Variants in TENM3 observed in about 807,000 individuals in gnomAD.
TENM3 encodes teneurin-3.
Under a neutral mutation model 255.1 loss-of-function variants are expected in TENM3, and 63 were observed. The observed-to-expected ratio is 0.25, with a 90% CI of 0.20 to 0.30. The LOEUF is 0.30. Ranked by LOEUF, TENM3 falls within the 10% of genes least tolerant of loss-of-function variation. The pLI is 1.00. For missense variants in TENM3, 2,929 were observed against 3,461.1 expected (o/e 0.85, Z 3.86); for synonymous variants, 1,306 against 1,322.3 (o/e 0.99, Z 0.27).
the TENM3 span, among the ~76,000 whole-genome samples, chr4:181,732,794 T>G: frequency 1.3e-5 from 2 of 151,976 alleles, no homozygotes; most frequent in Non-Finnish European, 2.9e-5. Flanking sequence ...GGGGGATGAG[T>G]GGAGTGATTA....
the TENM3 span, among the ~76,000 whole-genome samples, chr4:181,827,363 C>T: frequency 6.6e-6 from 1 of 152,166 alleles, no homozygotes; most frequent in African/African-American, 2.4e-5. Context: ...ATGTAGAGTT[C>T]AGGTTCACCT....
chr4:182,298,739 G>A (rs982539979), intron 1 of TENM3, among the ~76,000 whole-genome samples: 7 of 151,966 alleles, frequency 4.6e-5, no homozygotes, highest in East Asian at 1.9e-4. Flanking sequence ...TTGAGAAGCC[G>A]AGGCAGGTGG....
At chr4:182,564,029 A>G (rs191975497) in intron 3 of TENM3, among the ~76,000 whole-genome samples, 14 of 152,292 alleles carry the variant, frequency 9.2e-5, no homozygotes, top group Admixed American at 8.5e-4. Flanking sequence ...TTTTACTAAA[A>G]CATTGCTTGG....
the TENM3 span, among the ~76,000 whole-genome samples, chr4:182,071,879 T>G: frequency 6.6e-6 from 1 of 152,148 alleles, no homozygotes; most frequent in Admixed American, 6.5e-5. Flanking sequence ...AAATGTGATT[T>G]TATGGCTACA....
At position 182,714,153 on chromosome 4, in the gene TENM3, T is replaced by C; in HGVS notation, c.2288T>C (p.Val763Ala). 2 of 1,613,332 alleles carry C rather than the reference T, an allele frequency of 1.2e-6. No individual in the cohort carries two copies. Among genetic ancestry groups the C allele is most frequent in the Non-Finnish European group, 1.7e-6 (2 of 1,179,286 alleles). ...CTLDQNGWHCVCQPGWRGAGC... is the reference protein window; with the variant it reads ...CTLDQNGWHCACQPGWRGAGC... ...CTGGACCAAAATGGCTGGCATTGTGTGTGCCAGCCTGGATGGAGAGGAGCA... is the reference window on the plus strand; with the variant it reads ...CTGGACCAAAATGGCTGGCATTGTGCGTGCCAGCCTGGATGGAGAGGAGCA... The change falls in exon 13 of 28, where the codon GTG becomes GCG. Residue 763 changes from valine (V) to alanine (A), a missense_variant. Coordinates refer to ENST00000511685, the MANE Select transcript of TENM3 (RefSeq NM_001080477.4).
At chr4:181,966,253 G>A in the TENM3 span, among the ~76,000 whole-genome samples, 1 of 152,130 alleles carries the variant, frequency 6.6e-6, no homozygotes, top group Non-Finnish European at 1.5e-5. Flanking sequence ...TCAGCAGATA[G>A]CAAAATGGGC....
At chr4:182,062,974 A>C in the TENM3 span, among the ~76,000 whole-genome samples, 1 of 152,226 alleles carries the variant, frequency 6.6e-6, no homozygotes, top group Non-Finnish European at 1.5e-5. Flanking sequence ...TTTTCCACAG[A>C]ATGTTTCAAC....
At chr4:181,877,170 C>T in the TENM3 span, 1 of 151,864 alleles carries the variant, frequency 6.6e-6, no homozygotes, top group African/African-American at 2.4e-5. Flanking sequence ...GCTTAAGTAC[C>T]GTTAGAGTTT....
At chr4:182,169,297 T>C in intron 1 of TENM3, 1 of 480,666 alleles carries the variant, frequency 2.1e-6, no homozygotes, top group South Asian at 1.5e-5. Flanking sequence ...TTTCAGAAGA[T>C]CCTGCTGTTT....
At chr4:181,806,104 T>C in the TENM3 span, among the ~76,000 whole-genome samples, 6 of 152,232 alleles carry the variant, frequency 3.9e-5, no homozygotes, top group Non-Finnish European at 1.5e-5. Context: ...AAATTAAATG[T>C]AATATGTATG....
chr4:182,421,018 A>G (rs1416378983), intron 3 of TENM3, among the ~76,000 whole-genome samples: 1 of 152,196 alleles, frequency 6.6e-6, no homozygotes, highest in Non-Finnish European at 1.5e-5. Flanking sequence ...GTTATTCCAG[A>G]GATTGAGATG....
rs140565248 is a variant in TENM3 at position 182,349,968 on chromosome 4, A to T, written c.511+3039A>T. ...TGCTGATGTGTTTTCATCTGGTTTA[A>T]CATGAGAGCTTGCCTTGACTGTTTT... On this transcript the variant is annotated intron_variant, in intron 3 of 27. Coordinates refer to ENST00000511685, the MANE Select transcript of TENM3 (RefSeq NM_001080477.4). The T allele has an allele frequency of 9.7e-3, 1,868 of 193,350 alleles. 17 individuals carry two copies. The highest frequency in any genetic ancestry group is 0.016 in the Non-Finnish European group (1,418 of 90,906). 12.0% of individuals were successfully genotyped at this position (193,350 alleles called of 1,614,324 possible). A position where few individuals can be genotyped will look rare whatever the true frequency, so the allele number is the denominator to read the frequency against.
intron 13 of TENM3, among the ~76,000 whole-genome samples, chr4:182,725,636 C>CT (rs5864795): frequency 0.067 from 8,953 of 133,504 alleles, 525 homozygotes; most frequent in Middle Eastern, 0.14. Context: ...TCTTTTTTTT[C>CT]TTTTTTTTTT....
the TENM3 span, among the ~76,000 whole-genome samples, chr4:181,861,460 A>G: frequency 1.3e-5 from 2 of 152,150 alleles, no homozygotes; most frequent in African/African-American, 4.8e-5. Flanking sequence ...GGATCTCAAG[A>G]TGCACCTGAA....
At chr4:181,927,402 G>A in the TENM3 span, among the ~76,000 whole-genome samples, 13 of 152,322 alleles carry the variant, frequency 8.5e-5, no homozygotes, top group South Asian at 2.1e-4. Context: ...AAATAAAGCC[G>A]CCAGGGAGTT....
chr4:182,147,291 A>G (rs1475466976), intron 1 of TENM3, among the ~76,000 whole-genome samples: 1 of 152,178 alleles, frequency 6.6e-6, no homozygotes, highest in Non-Finnish European at 1.5e-5. Flanking sequence ...TGTCTTTGCA[A>G]TAGCTGTTAA....
intron 12 of TENM3, among the ~76,000 whole-genome samples, chr4:182,710,863 T>C (rs934099126): frequency 6.6e-6 from 1 of 152,206 alleles, no homozygotes; most frequent in South Asian, 2.1e-4. Context: ...CATAGCCTAA[T>C]TGTAGCCTCA....
chr4:181,698,170 C>T, the TENM3 span, among the ~76,000 whole-genome samples: 100 of 149,192 alleles, frequency 6.7e-4, 1 homozygote, highest in African/African-American at 2.1e-3. Context: ...GCCGAGATCA[C>T]GCCACTGCAC....
In TENM3 at chr4:182,165,051, A is replaced by G. The variant is rs78166584; in HGVS notation, c.-76+20297A>G. Among the ~76,000 whole-genome samples the G allele has an allele frequency of 3.4e-3, 522 of 152,250 alleles. 3 individuals are homozygous for G. Among genetic ancestry groups the G allele is most frequent in the African/African-American group, 0.012 (496 of 41,556 alleles). ...TTTGCCCCAAACTAATTAATTCAGA[A>G]TCTCTAGACATAGGAAATAAGTTTT... On this transcript the variant is annotated intron_variant, in intron 1 of 2. Coordinates refer to the TENM3 transcript ENST00000512480.
Sources: allele counts gnomAD v4.1 joint callset (sites outside exome capture counted in the v4.1 genomes callset), GRCh38; gene constraint gnomAD v4.1.1; transcripts MANE v1.5; gene names NCBI Gene and HGNC (gene_info 2026-07-23, HGNC 2026-07-21).